The following EPHA6 variants were observed in gnomAD, a reference collection of about 807,000 sequenced individuals.
EPHA6 encodes the protein ephrin type-A receptor 6.
Under a neutral mutation model 112.0 loss-of-function variants are expected in EPHA6, and 50 were observed. The ratio of observed to expected loss-of-function variants is 0.45; its 90% CI spans 0.36 to 0.56. EPHA6 has a LOEUF of 0.56. EPHA6 is among the 20% of genes least tolerant of loss of function. The pLI is 0.00. For synonymous variants in EPHA6, 529 were observed against 490.7 expected, an observed-to-expected ratio of 1.08 and a Z score of -1.03; for missense variants, 1,280 against 1,417.4, an observed-to-expected ratio of 0.90 and a Z score of 1.56.
At chr3:97,432,792 C>T (rs1012954903) in intron 6 of EPHA6, among the ~76,000 whole-genome samples, 1 of 152,018 alleles carries the variant, frequency 6.6e-6, no homozygotes, top group African/African-American at 2.4e-5. Context: ...GGTAAGAGCC[C>T]CTTATAAAAC....
chr3:97,661,353 C>CA (rs2094168767), intron 14 of EPHA6, among the ~76,000 whole-genome samples: 1 of 152,170 alleles, frequency 6.6e-6, no homozygotes, highest in African/African-American at 2.4e-5. Flanking sequence ...TGTAGTTCAA[C>CA]AGCCCCTCTA....
intron 3 of EPHA6, among the ~76,000 whole-genome samples, chr3:97,134,090 A>T (rs1417813574): frequency 1.3e-5 from 2 of 152,032 alleles, no homozygotes; most frequent in Non-Finnish European, 2.9e-5. Context: ...ATGACTATAG[A>T]GTCAGAGGTC....
At chr3:97,246,531 A>G (rs2078991438) in intron 5 of EPHA6, among the ~76,000 whole-genome samples, 1 of 151,878 alleles carries the variant, frequency 6.6e-6, no homozygotes, top group Admixed American at 6.6e-5. Context: ...TATTGGAACT[A>G]TATATTCTGG....
intron 5 of EPHA6, among the ~76,000 whole-genome samples, chr3:97,301,840 G>GT (rs941854343): frequency 9.7e-5 from 14 of 144,190 alleles, no homozygotes; most frequent in Admixed American, 7.4e-4. Flanking sequence ...TAATGAATCT[G>GT]TTTTTTTCTA....
chr3:97,617,807 C>T (rs1421997718), intron 13 of EPHA6, among the ~76,000 whole-genome samples: 1 of 152,188 alleles, frequency 6.6e-6, no homozygotes, highest in Admixed American at 6.5e-5. Flanking sequence ...TTGAAAGAGA[C>T]TTAGACTCCC....
chr3:96,877,699 T>C (rs1328618751), intron 2 of EPHA6, among the ~76,000 whole-genome samples: 1 of 146,456 alleles, frequency 6.8e-6, no homozygotes, highest in African/African-American at 2.5e-5. Flanking sequence ...TTTGAATTAA[T>C]GTACCATAGT....
At chr3:97,264,675 C>G (rs889502662) in intron 5 of EPHA6, among the ~76,000 whole-genome samples, 1 of 152,186 alleles carries the variant, frequency 6.6e-6, no homozygotes, top group African/African-American at 2.4e-5. Context: ...GTCCCAAGTT[C>G]TTGTCCTGTA....
intron 13 of EPHA6, among the ~76,000 whole-genome samples, chr3:97,619,879 C>A (rs1277183394): frequency 6.6e-6 from 1 of 152,046 alleles, no homozygotes; most frequent in Non-Finnish European, 1.5e-5. Context: ...TTCCATAAAA[C>A]TACCATTGGT....
intron 14 of EPHA6, among the ~76,000 whole-genome samples, chr3:97,659,004 G>T (rs1198200711): frequency 6.6e-6 from 1 of 151,894 alleles, no homozygotes; most frequent in Non-Finnish European, 1.5e-5. Context: ...AATAAGCCAT[G>T]ATAAAAAAGG....
intron 3 of EPHA6, among the ~76,000 whole-genome samples, chr3:97,206,192 G>A (rs1050757792): frequency 6.6e-6 from 1 of 151,534 alleles, no homozygotes; most frequent in African/African-American, 2.4e-5. Flanking sequence ...CACCTTCATC[G>A]TCTTTGTTTA....
intron 5 of EPHA6, among the ~76,000 whole-genome samples, chr3:97,402,963 A>G (rs1308617826): frequency 1.3e-5 from 2 of 152,124 alleles, no homozygotes; most frequent in Non-Finnish European, 2.9e-5. Flanking sequence ...TCAATTTTTC[A>G]AATCTAATTC....
chr3:97,575,748 T>C (rs1181386958), intron 11 of EPHA6, among the ~76,000 whole-genome samples: 2 of 152,168 alleles, frequency 1.3e-5, no homozygotes, highest in African/African-American at 4.8e-5. Context: ...GAAATATTTA[T>C]CTGCCAGCTG....
chr3:96,985,029 T>G (rs2042964512), intron 2 of EPHA6, among the ~76,000 whole-genome samples: 1 of 152,170 alleles, frequency 6.6e-6, no homozygotes, highest in Admixed American at 6.5e-5. Context: ...CTGCTTTGGC[T>G]CACACTCAGT....
intron 6 of EPHA6, among the ~76,000 whole-genome samples, chr3:97,427,017 T>A (rs1410604307): frequency 1.3e-5 from 2 of 152,154 alleles, no homozygotes; most frequent in African/African-American, 4.8e-5. Flanking sequence ...TCAGAATGGT[T>A]ATTATTAAAA....
chr3:97,653,384 C>G (rs1472203934), intron 14 of EPHA6, among the ~76,000 whole-genome samples: 2 of 151,742 alleles, frequency 1.3e-5, no homozygotes, highest in Non-Finnish European at 2.9e-5. Flanking sequence ...ATACAAATGG[C>G]CAACAGGTAT....
chr3:96,830,671 T>A (rs1195383146), intron 1 of EPHA6, among the ~76,000 whole-genome samples: 1 of 151,968 alleles, frequency 6.6e-6, no homozygotes, highest in Non-Finnish European at 1.5e-5. Flanking sequence ...ATTATTTATC[T>A]TTAAGTCTTG....
intron 2 of EPHA6, among the ~76,000 whole-genome samples, chr3:96,937,269 T>C (rs2040643280): frequency 6.6e-6 from 1 of 152,198 alleles, no homozygotes; most frequent in South Asian, 2.1e-4. Flanking sequence ...TCAGCACCTG[T>C]TGTTTCCTGA....
At chr3:97,499,509 A>C (rs2092064752) in intron 10 of EPHA6, among the ~76,000 whole-genome samples, 2 of 152,186 alleles carry the variant, frequency 1.3e-5, no homozygotes, top group South Asian at 4.1e-4. Context: ...ATGCATTATT[A>C]GATTATTTCA....
At chr3:97,425,436 C>G (rs2089033805) in intron 6 of EPHA6, among the ~76,000 whole-genome samples, 1 of 152,240 alleles carries the variant, frequency 6.6e-6, no homozygotes, top group Admixed American at 6.5e-5. Flanking sequence ...GCTTGCACCC[C>G]CACAAAGCCA....
Sources: gnomAD v4.1 joint callset for allele counts (sites outside exome capture counted in the v4.1 genomes callset) on GRCh38, gnomAD v4.1.1 for gene constraint, MANE v1.5 for transcripts, NCBI Gene and HGNC (gene_info 2026-07-23, HGNC 2026-07-21) for gene names.